Variants in SLC16A7 observed in about 807,000 individuals in gnomAD.
SLC16A7 encodes monocarboxylate transporter 2.
Under a neutral mutation model 34.9 loss-of-function variants are expected in SLC16A7, and 33 were observed. The observed-to-expected ratio is 0.94, with a 90% confidence interval of 0.72 to 1.26. The LOEUF is 1.26. SLC16A7 is among the 50% of genes most tolerant of loss of function. The pLI is 0.00. For synonymous variants in SLC16A7, 201 were observed against 206.6 expected (o/e 0.97, Z 0.23); for missense variants, 573 against 578.1 (o/e 0.99, Z 0.09).
At chr12:59,624,754 G>A (rs565329797) in intron 1 of SLC16A7, among the ~76,000 whole-genome samples, 134 of 151,668 alleles carry the variant, frequency 8.8e-4, no homozygotes, top group African/African-American at 2.7e-3. Flanking sequence ...GTGTGTGTGT[G>A]TGTGTGTGTG....
At chr12:59,639,013 A>T (rs972992639) in intron 1 of SLC16A7, among the ~76,000 whole-genome samples, 3 of 152,098 alleles carry the variant, frequency 2.0e-5, no homozygotes, top group African/African-American at 7.2e-5. Context: ...TAATTCTTTA[A>T]AAGTGCATTG....
At chr12:59,773,072 C>T (rs35096295) in intron 4 of SLC16A7, among the ~76,000 whole-genome samples, 12,125 of 150,336 alleles carry the variant, frequency 0.081, 561 homozygotes, top group South Asian at 0.17. Flanking sequence ...AAGTTCCAGG[C>T]GACAGAATGG....
At chr12:59,660,969 C>T (rs944666347) in intron 2 of SLC16A7, among the ~76,000 whole-genome samples, 7 of 151,960 alleles carry the variant, frequency 4.6e-5, no homozygotes, top group African/African-American at 1.7e-4. Flanking sequence ...AGTAAAAAGC[C>T]AAAACACATT....
intron 2 of SLC16A7, among the ~76,000 whole-genome samples, chr12:59,682,684 A>T (rs1043612552): frequency 6.6e-6 from 1 of 152,172 alleles, no homozygotes; most frequent in East Asian, 1.9e-4. Flanking sequence ...TGACAATGCA[A>T]GTAGGTCAGG....
At chr12:59,739,191 C>A (rs1158178887) in intron 3 of SLC16A7, among the ~76,000 whole-genome samples, 3 of 99,892 alleles carry the variant, frequency 3.0e-5, no homozygotes, top group Non-Finnish European at 5.6e-5. Flanking sequence ...TATCCCTCCC[C>A]CCTCCCCCCA....
chr12:59,606,667 T>G (rs1565615389), intron 1 of SLC16A7, among the ~76,000 whole-genome samples: 1 of 152,170 alleles, frequency 6.6e-6, no homozygotes, highest in Non-Finnish European at 1.5e-5. Flanking sequence ...TAATGACAAC[T>G]AGATCTTGGC....
At chr12:59,750,498 A>C (rs1176560391) in intron 3 of SLC16A7, among the ~76,000 whole-genome samples, 1 of 152,228 alleles carries the variant, frequency 6.6e-6, no homozygotes, top group Non-Finnish European at 1.5e-5. Context: ...TGCAAATCAA[A>C]ACCACAATGA....
At chr12:59,640,444 T>A (rs1592423337) in intron 1 of SLC16A7, among the ~76,000 whole-genome samples, 1 of 152,006 alleles carries the variant, frequency 6.6e-6, no homozygotes, top group Non-Finnish European at 1.5e-5. Flanking sequence ...AGAGAAAAAA[T>A]AATTTAGAAT....
chr12:59,650,290 A>C (rs1868320425), intron 1 of SLC16A7, among the ~76,000 whole-genome samples: 1 of 152,158 alleles, frequency 6.6e-6, no homozygotes, highest in African/African-American at 2.4e-5. Context: ...GTGAATTCTA[A>C]GCATACAATT....
intron 2 of SLC16A7, among the ~76,000 whole-genome samples, chr12:59,686,162 G>C (rs1871152958): frequency 6.8e-6 from 1 of 146,800 alleles, no homozygotes; most frequent in African/African-American, 2.5e-5. Context: ...TAGGAGCTTG[G>C]AAAAGTTGTT....
At chr12:59,752,065 A>T (rs1879652846) in intron 3 of SLC16A7, among the ~76,000 whole-genome samples, 2 of 152,138 alleles carry the variant, frequency 1.3e-5, no homozygotes, top group South Asian at 4.1e-4. Context: ...TAGAAGGAAA[A>T]CTAACAAACA....
In SLC16A7 at chr12:59,709,164, C is replaced by T. The variant is rs530462713; in HGVS notation, c.217+4146C>T. Reference sequence around the variant, plus strand: ...ATATGGTTACCTCTACAGTTACTGGCGACAGATTTGGACTGCCAGTTTCTG... The same window carrying T: ...ATATGGTTACCTCTACAGTTACTGGTGACAGATTTGGACTGCCAGTTTCTG... On this transcript the variant is annotated intron_variant, in intron 3 of 5. Coordinates refer to ENST00000547379, the MANE Select transcript of SLC16A7 (RefSeq NM_001270623.2). 3.1e-4 allele frequency among the ~76,000 whole-genome samples: 47 copies of T among 151,684 alleles called. 1 individual carries two copies. The highest frequency in any genetic ancestry group is 9.7e-4 in the African/African-American group (40 of 41,078).
intron 2 of SLC16A7, among the ~76,000 whole-genome samples, chr12:59,699,245 A>G (rs889384598): frequency 1.3e-5 from 2 of 151,640 alleles, no homozygotes; most frequent in African/African-American, 4.8e-5. Flanking sequence ...TAAACTTCCA[A>G]ATTTTAGAAG....
chr12:59,641,263 T>G (rs946626080), intron 1 of SLC16A7, among the ~76,000 whole-genome samples: 2 of 152,082 alleles, frequency 1.3e-5, no homozygotes, highest in Non-Finnish European at 2.9e-5. Context: ...TTTTTAAATT[T>G]AATTGATACA....
intron 2 of SLC16A7, among the ~76,000 whole-genome samples, chr12:59,666,634 C>A (rs915384490): frequency 1.3e-5 from 2 of 152,130 alleles, no homozygotes; most frequent in African/African-American, 4.8e-5. Flanking sequence ...TTCCCCTGCA[C>A]ATACTCTCTT....
At chr12:59,666,899 A>G (rs941375679) in intron 2 of SLC16A7, among the ~76,000 whole-genome samples, 1 of 152,160 alleles carries the variant, frequency 6.6e-6, no homozygotes, top group Non-Finnish European at 1.5e-5. Context: ...CAGAGGTTGA[A>G]AGAGTTTGGA....
intron 3 of SLC16A7, among the ~76,000 whole-genome samples, chr12:59,722,212 A>C (rs954747574): frequency 1.3e-5 from 2 of 151,962 alleles, no homozygotes; most frequent in African/African-American, 2.4e-5. Flanking sequence ...AAAACATTGG[A>C]GCCATGCTTT....
chr12:59,616,161 T>G (rs556204179), intron 1 of SLC16A7, among the ~76,000 whole-genome samples: 58 of 152,100 alleles, frequency 3.8e-4, no homozygotes, highest in Non-Finnish European at 7.9e-4. Flanking sequence ...ATACATGGAG[T>G]AGGTGTTTTA....
intron 3 of SLC16A7, chr12:59,761,132 A>G (rs1880969596): frequency 7.8e-7 from 1 of 1,280,514 alleles, no homozygotes; most frequent in South Asian, 1.2e-5. Flanking sequence ...CAGGTAGAAT[A>G]TTTGAAAGCT....
Sources: allele counts gnomAD v4.1 joint callset (sites outside exome capture counted in the v4.1 genomes callset), GRCh38; gene constraint gnomAD v4.1.1; transcripts MANE v1.5; gene names NCBI Gene and HGNC (gene_info 2026-07-23, HGNC 2026-07-21).